The following RARB variants were observed in gnomAD, a reference collection of about 807,000 sequenced individuals.
The protein encoded by RARB is HBV-activated protein.
In RARB, 17 loss-of-function variants were observed where a neutral mutation model predicts 51.9. That is an observed-to-expected ratio of 0.33 (90% confidence interval 0.22 to 0.49). RARB has a LOEUF of 0.49. Among genes scored for constraint, RARB ranks in the 20% least tolerant of loss-of-function variants. The pLI is 0.99. For missense variants in RARB, 369 were observed against 550.8 expected (o/e 0.67, Z 3.30); for synonymous variants, 215 against 195.4 (o/e 1.10, Z -0.84).
chr3:24,981,298 T>G (rs1442812962), intron 2 of RARB, among the ~76,000 whole-genome samples: 2 of 152,196 alleles, frequency 1.3e-5, no homozygotes, highest in Non-Finnish European at 2.9e-5. Flanking sequence ...CACTGCTCTC[T>G]TCAGAGCTGT....
At chr3:25,550,253 G>A (rs1040927887) in intron 3 of RARB, among the ~76,000 whole-genome samples, 1 of 152,140 alleles carries the variant, frequency 6.6e-6, no homozygotes, top group African/African-American at 2.4e-5. Flanking sequence ...GTTTCCTAAA[G>A]CCTTGAGGAA....
chr3:25,507,931 G>A (rs904385286), intron 3 of RARB, among the ~76,000 whole-genome samples: 4 of 152,256 alleles, frequency 2.6e-5, no homozygotes, highest in East Asian at 1.9e-4. Flanking sequence ...ACCATGGAAG[G>A]TACTGTTGCT....
chr3:25,477,009 G>C (rs1027083596), intron 2 of RARB, among the ~76,000 whole-genome samples: 1 of 152,136 alleles, frequency 6.6e-6, no homozygotes, highest in Non-Finnish European at 1.5e-5. Flanking sequence ...ATAATAAATA[G>C]TATGTAGAAG....
In RARB at chr3:25,436,624, C is replaced by T. The variant is rs1004041178; in HGVS notation, c.157+7736C>T. ...GGGAAAGTTGGGGGATGCAGATGAA[C>T]AAGGCATCTCTCTGCTTCTCGGGCA... On this transcript the variant is annotated intron_variant, in intron 1 of 7. Transcript: ENST00000330688. Among the ~76,000 whole-genome samples, 7 of 152,284 alleles carry T rather than the reference C, an allele frequency of 4.6e-5. 1 individual carries two copies. The South Asian group carries it at 1.2e-3, about 27-fold the overall frequency.
chr3:25,271,327 A>G (rs910126553), intron 5 of RARB, among the ~76,000 whole-genome samples: 1 of 152,202 alleles, frequency 6.6e-6, no homozygotes, highest in Non-Finnish European at 1.5e-5. Flanking sequence ...CTAACCAAAA[A>G]TAACTAGCTC....
chr3:25,009,806 GA>G (rs1697355616), intron 2 of RARB, among the ~76,000 whole-genome samples: 1 of 152,086 alleles, frequency 6.6e-6, no homozygotes. Context: ...ATTCTGTCTG[GA>G]AAAGGTCAGA....
Position 25,591,158 on chromosome 3 carries a change from C to T in RARB, c.787-2345C>T, listed in dbSNP as rs537237554. ...AACGACCCATCAAATGAAGAGAGAT[C>T]ATGGTAGTGTTTTGAGAACTACTCA... On this transcript the variant is annotated intron_variant, in intron 5 of 7. Transcript: ENST00000330688. Among the ~76,000 whole-genome samples the T allele has an allele frequency of 1.6e-4, 25 of 152,286 alleles. No individual in the cohort carries two copies. The South Asian group carries it at 4.2e-3, about 25-fold the overall frequency.
rs1702626009 is a variant in RARB, at chr3:25,248,547, T to G, written c.178+73972T>G. 3.3e-5 allele frequency among the ~76,000 whole-genome samples: 5 copies of G among 152,196 alleles called. No homozygotes were observed. The South Asian group carries it at 1.0e-3, about 31-fold the overall frequency. On this transcript the variant is annotated intron_variant, in intron 5 of 11. Transcript: ENST00000383772. ...TTTGCTCTACCAGTGTTTTTTATAC[T>G]TTTGTGAGTTTTCATGATGGTAGAT...
chr3:25,145,500 C>A (rs1229110292), intron 4 of RARB, among the ~76,000 whole-genome samples: 2 of 151,482 alleles, frequency 1.3e-5, no homozygotes, highest in Non-Finnish European at 1.5e-5. Context: ...TTGTAAATTT[C>A]AAAAAAAAGA....
chr3:25,161,082 G>A (rs1005810981), intron 4 of RARB, among the ~76,000 whole-genome samples: 1 of 151,800 alleles, frequency 6.6e-6, no homozygotes. Flanking sequence ...GCCCAATCTC[G>A]GCTCACTACA....
intron 5 of RARB, among the ~76,000 whole-genome samples, chr3:25,338,248 TGCA>T (rs1705124252): frequency 6.6e-6 from 1 of 152,186 alleles, no homozygotes; most frequent in South Asian, 2.1e-4. Flanking sequence ...CAGCCTCTTT[TGCA>T]GCAGGCATCC....
At chr3:25,166,499 G>T (rs1010357737) in intron 4 of RARB, among the ~76,000 whole-genome samples, 4 of 152,188 alleles carry the variant, frequency 2.6e-5, no homozygotes, top group Non-Finnish European at 5.9e-5. Flanking sequence ...TGTAGTGTCT[G>T]TCAAAGCAAA....
chr3:25,542,044 G>A (rs1699405769), intron 3 of RARB, among the ~76,000 whole-genome samples: 1 of 152,244 alleles, frequency 6.6e-6, no homozygotes, highest in Non-Finnish European at 1.5e-5. Context: ...CATAGCTTAA[G>A]CCTTTTATTA....
At chr3:25,574,445 G>A (rs1009396143) in intron 4 of RARB, among the ~76,000 whole-genome samples, 1 of 152,168 alleles carries the variant, frequency 6.6e-6, no homozygotes, top group Non-Finnish European at 1.5e-5. Flanking sequence ...CATCATAAAT[G>A]TCTTGTCATT....
chr3:25,077,786 TA>T (rs1278957468), intron 3 of RARB, among the ~76,000 whole-genome samples: 1 of 152,164 alleles, frequency 6.6e-6, no homozygotes, highest in Non-Finnish European at 1.5e-5. Flanking sequence ...GGAGTGGTTT[TA>T]CCATTTTACA....
At chr3:25,443,072 C>CTCA (rs1229167272) in intron 1 of RARB, among the ~76,000 whole-genome samples, 1 of 152,128 alleles carries the variant, frequency 6.6e-6, no homozygotes, top group African/African-American at 2.4e-5. Flanking sequence ...GTGTCCTCTG[C>CTCA]TCATAACCCA....
chr3:24,968,099 C>G (rs1696316799), intron 2 of RARB, among the ~76,000 whole-genome samples: 1 of 152,090 alleles, frequency 6.6e-6, no homozygotes, highest in African/African-American at 2.4e-5. Flanking sequence ...GTGTTTGGAG[C>G]ATCAGCCAGT....
chr3:24,957,519 A>C (rs1173853068), intron 2 of RARB, among the ~76,000 whole-genome samples: 6 of 152,186 alleles, frequency 3.9e-5, no homozygotes. Flanking sequence ...TCCAGTGTAC[A>C]CAACCAGAAT....
intron 2 of RARB, among the ~76,000 whole-genome samples, chr3:25,052,580 C>T (rs1018521251): frequency 6.6e-6 from 1 of 152,086 alleles, no homozygotes; most frequent in Non-Finnish European, 1.5e-5. Flanking sequence ...TAGGAAATGT[C>T]TTAACTCTTT....
Sources: allele counts gnomAD v4.1 joint callset (sites outside exome capture counted in the v4.1 genomes callset), GRCh38; gene constraint gnomAD v4.1.1; transcripts MANE v1.5; gene names NCBI Gene and HGNC (gene_info 2026-07-23, HGNC 2026-07-21).